FAM53A: variants seen among roughly 807,000 people sequenced by gnomAD.
The protein encoded by FAM53A is protein FAM53A.
A neutral mutation model predicts 26.6 loss-of-function variants in FAM53A; 28 were observed. The ratio of observed to expected loss-of-function variants is 1.05; its 90% CI spans 0.78 to 1.45. FAM53A has a LOEUF of 1.45. Ranked by LOEUF, FAM53A falls within the 40% of genes most tolerant of loss-of-function variation. FAM53A has a pLI of 0.00. For missense variants in FAM53A, 650 were observed against 575.8 expected, an observed-to-expected ratio of 1.13 and a Z score of -1.32; for synonymous variants, 290 against 253.1, an observed-to-expected ratio of 1.15 and a Z score of -1.38.
chr4:1,582,328 G>A, the FAM53A span, among the ~76,000 whole-genome samples: 432 of 152,300 alleles, frequency 2.8e-3, no homozygotes, highest in African/African-American at 9.9e-3. Context: ...CAGAGTCCAC[G>A]GCGTTCCTCC....
chr4:1,599,902 C>T, the FAM53A span, among the ~76,000 whole-genome samples: 1 of 152,178 alleles, frequency 6.6e-6, no homozygotes, highest in Non-Finnish European at 1.5e-5. This position sits in a 1 kb window ranked among gnomAD's most constrained non-coding sequence, Gnocchi z 6.1. Flanking sequence ...GTGGCGGTCC[C>T]TTGGGGTACT....
intron 1 of FAM53A, among the ~76,000 whole-genome samples, chr4:1,618,886 C>T (rs1316687336): frequency 6.6e-6 from 1 of 152,296 alleles, no homozygotes; most frequent in East Asian, 1.9e-4. Flanking sequence ...TCCACGGCCC[C>T]CCGAGGGCTC....
chr4:1,648,793 T>C (rs1490113912), intron 4 of FAM53A, among the ~76,000 whole-genome samples: 2 of 152,146 alleles, frequency 1.3e-5, no homozygotes, highest in Non-Finnish European at 2.9e-5. Flanking sequence ...ACATCACTGT[T>C]CTGGCTCATT....
intron 1 of FAM53A, among the ~76,000 whole-genome samples, chr4:1,683,242 C>G (rs888088194): frequency 6.6e-6 from 1 of 152,210 alleles, no homozygotes; most frequent in Non-Finnish European, 1.5e-5. Flanking sequence ...TCAAATAAAT[C>G]AAAACCGTTT....
At chr4:1,607,716 G>C in the FAM53A span, among the ~76,000 whole-genome samples, 1 of 152,134 alleles carries the variant, frequency 6.6e-6, no homozygotes, top group Non-Finnish European at 1.5e-5. Context: ...CGAGGTGGGC[G>C]GATCACCTGA....
rs188495816 is a variant in FAM53A, at chr4:1,681,342, C to T, written c.-165+2891G>A. Among the ~76,000 whole-genome samples the T allele has an allele frequency of 8.3e-4, 127 of 152,192 alleles. 1 individual carries two copies. Among genetic ancestry groups the T allele is most frequent in the African/African-American group, 2.9e-3 (122 of 41,502 alleles). ...TCAACTCTTGACCTCAGGTGACCTA[C>T]CCACCTTGTAGGGTCCAGCCCCACA... On this transcript the variant is annotated intron_variant, in intron 1 of 4. Coordinates refer to ENST00000308132, the MANE Select transcript of FAM53A (RefSeq NM_001174070.3).
At chr4:1,582,971 T>G in the FAM53A span, among the ~76,000 whole-genome samples, 1 of 152,232 alleles carries the variant, frequency 6.6e-6, no homozygotes, top group Non-Finnish European at 1.5e-5. Flanking sequence ...ATGCATTGAT[T>G]TGACGACTCT....
At chr4:1,674,023 A>C (rs1211332757) in intron 1 of FAM53A, among the ~76,000 whole-genome samples, 3 of 152,246 alleles carry the variant, frequency 2.0e-5, no homozygotes, top group Non-Finnish European at 4.4e-5. Context: ...GGCTTCCAAG[A>C]TGCCAGCAGG....
downstream of FAM53A, among the ~76,000 whole-genome samples, chr4:1,638,933 G>T (rs957323830): frequency 3.3e-5 from 5 of 152,230 alleles, no homozygotes; most frequent in Admixed American, 3.3e-4. Flanking sequence ...AGGGGACGCC[G>T]GGTGGACTCA....
the FAM53A span, among the ~76,000 whole-genome samples, chr4:1,599,031 C>T: frequency 2.6e-5 from 4 of 152,260 alleles, no homozygotes; most frequent in Non-Finnish European, 5.9e-5. The surrounding 1 kb of genome is among the most constrained non-coding windows in gnomAD (Gnocchi z 6.1). Flanking sequence ...TTCCCCGGCC[C>T]GCTTCCCTCC....
chr4:1,582,381 A>G, the FAM53A span, among the ~76,000 whole-genome samples: 1 of 152,104 alleles, frequency 6.6e-6, no homozygotes, highest in Non-Finnish European at 1.5e-5. Context: ...CACGGACGTC[A>G]CCACCACCCC....
the FAM53A span, among the ~76,000 whole-genome samples, chr4:1,604,058 C>T: frequency 6.6e-6 from 1 of 152,206 alleles, no homozygotes; most frequent in Non-Finnish European, 1.5e-5. Context: ...CCAGGCCACA[C>T]TGGGGCCATC....
At chr4:1,584,603 G>C in the FAM53A span, among the ~76,000 whole-genome samples, 1 of 152,252 alleles carries the variant, frequency 6.6e-6, no homozygotes, top group African/African-American at 2.4e-5. Context: ...TGGGGCTAGA[G>C]CCACCTGGGC....
At chr4:1,638,177 C>T (rs2108791863), downstream of FAM53A, among the ~76,000 whole-genome samples, 1 of 152,230 alleles carries the variant, frequency 6.6e-6, no homozygotes, top group Middle Eastern at 3.4e-3. Context: ...CCAAGGGACT[C>T]AAATGCCCCT....
chr4:1,629,487 G>T (rs1715515257), intron 1 of FAM53A, among the ~76,000 whole-genome samples: 1 of 152,218 alleles, frequency 6.6e-6, no homozygotes, highest in Admixed American at 6.5e-5. Context: ...TAGGAGACAT[G>T]TCCGTCCTGA....
chr4:1,680,042 C>G (rs1467137073), intron 1 of FAM53A, among the ~76,000 whole-genome samples: 1 of 146,466 alleles, frequency 6.8e-6, no homozygotes, highest in Non-Finnish European at 1.5e-5. Context: ...AAAAAAAGTC[C>G]GGGCACGGTG....
At chr4:1,624,601 G>A (rs1001095710) in intron 1 of FAM53A, among the ~76,000 whole-genome samples, 1 of 152,148 alleles carries the variant, frequency 6.6e-6, no homozygotes, top group East Asian at 1.9e-4. Context: ...ATCCTCAAAG[G>A]CAATAACAGA....
At chr4:1,612,699 A>G in the FAM53A span, among the ~76,000 whole-genome samples, 2 of 152,198 alleles carry the variant, frequency 1.3e-5, no homozygotes, top group African/African-American at 2.4e-5. Context: ...CACGGCACCC[A>G]CATGCGCACA....
At chr4:1,649,954 C>T (rs1486827260) in intron 4 of FAM53A, among the ~76,000 whole-genome samples, 52 of 108,568 alleles carry the variant, frequency 4.8e-4, no homozygotes, top group African/African-American at 1.8e-3. Flanking sequence ...GTGGCACAGG[C>T]GTGGCGTTTG....
Sources: allele counts gnomAD v4.1 joint callset (sites outside exome capture counted in the v4.1 genomes callset), GRCh38; gene constraint gnomAD v4.1.1; non-coding constraint Gnocchi (gnomAD v3.1); transcripts MANE v1.5; gene names NCBI Gene and HGNC (gene_info 2026-07-23, HGNC 2026-07-21).